NTRK3: variants seen among roughly 807,000 people sequenced by gnomAD.
NTRK3 encodes the protein neurotrophic receptor tyrosine kinase 3, also known as NT-3 growth factor receptor.
In NTRK3, 24 loss-of-function variants were observed where a neutral mutation model predicts 91.7. The ratio of observed to expected loss-of-function variants is 0.26; its 90% CI spans 0.19 to 0.37. The LOEUF is 0.37. NTRK3 is among the 10% of genes least tolerant of loss of function. The pLI is 1.00. For synonymous variants in NTRK3, 483 were observed against 404.0 expected (o/e 1.20, Z -2.34); for missense variants, 880 against 1,068.9 (o/e 0.82, Z 2.46).
chr15:88,100,991 G>C (rs149182609), intron 13 of NTRK3, among the ~76,000 whole-genome samples: 1 of 152,154 alleles, frequency 6.6e-6, no homozygotes, highest in Non-Finnish European at 1.5e-5. Context: ...AAAAGCAATT[G>C]CAACAAAAGC....
At chr15:87,964,179 T>A (rs2072573685) in intron 14 of NTRK3, among the ~76,000 whole-genome samples, 1 of 152,218 alleles carries the variant, frequency 6.6e-6, no homozygotes, top group South Asian at 2.1e-4. Flanking sequence ...GGCTTAGATA[T>A]AATTCATAAG....
At chr15:88,048,238 T>C (rs1249750307) in intron 13 of NTRK3, among the ~76,000 whole-genome samples, 1 of 152,184 alleles carries the variant, frequency 6.6e-6, no homozygotes, top group African/African-American at 2.4e-5. Flanking sequence ...GCTAAACCAC[T>C]TGTCCTCTGG....
At chr15:88,025,257 G>A (rs1173312982) in intron 14 of NTRK3, among the ~76,000 whole-genome samples, 3 of 152,230 alleles carry the variant, frequency 2.0e-5, no homozygotes, top group Non-Finnish European at 4.4e-5. Context: ...AGGCAATCAC[G>A]TGTCTAGATA....
intron 13 of NTRK3, among the ~76,000 whole-genome samples, 172 bp from the exon 14 acceptor site, chr15:88,033,217 A>ATATATATATATATATATATATAT (rs2078753442): frequency 4.0e-5 from 2 of 49,698 alleles, no homozygotes; most frequent in South Asian, 6.0e-4. Flanking sequence ...TATATATATA[A>ATATATATATATATATATATATAT]ATTCAGTTGT....
intron 5 of NTRK3, among the ~76,000 whole-genome samples, chr15:88,164,620 T>C (rs887086013): frequency 1.3e-5 from 2 of 152,134 alleles, no homozygotes; most frequent in Non-Finnish European, 2.9e-5. Flanking sequence ...GCCTCATTTC[T>C]TACCTTCCTT....
chr15:88,252,988 G>C (rs917713770), intron 3 of NTRK3: 1 of 152,244 alleles, frequency 6.6e-6, no homozygotes, highest in African/African-American at 2.4e-5. Context: ...CTGAGAAGCA[G>C]AACCACAGGG....
intron 13 of NTRK3, among the ~76,000 whole-genome samples, chr15:88,055,297 G>T (rs943612070): frequency 4.6e-5 from 7 of 152,194 alleles, no homozygotes; most frequent in Non-Finnish European, 7.3e-5. Flanking sequence ...GACAGATGGG[G>T]ACATGTGGCA....
At chr15:88,116,072 C>G (rs1001066327) in intron 13 of NTRK3, among the ~76,000 whole-genome samples, 1 of 152,162 alleles carries the variant, frequency 6.6e-6, no homozygotes, top group Non-Finnish European at 1.5e-5. Context: ...GCCTGCTAGC[C>G]TCTCTGAGCT....
chr15:88,079,779 G>A (rs976646026), intron 13 of NTRK3, among the ~76,000 whole-genome samples: 13 of 152,256 alleles, frequency 8.5e-5, no homozygotes, highest in Middle Eastern at 6.8e-3. Flanking sequence ...ATTCAAAGAA[G>A]TTTGCATTAA....
At chr15:87,979,426 G>A (rs759403707) in intron 14 of NTRK3, 22 of 1,613,380 alleles carry the variant, frequency 1.4e-5, no homozygotes, top group East Asian at 4.5e-5. Context: ...TGGAATGTCC[G>A]GGAAGGCTTA....
chr15:88,186,307 T>C (rs1020211170), intron 3 of NTRK3, among the ~76,000 whole-genome samples: 7 of 152,206 alleles, frequency 4.6e-5, no homozygotes, highest in African/African-American at 1.7e-4. Context: ...ACGGTTGAGT[T>C]GTCAATCATT....
intron 5 of NTRK3, among the ~76,000 whole-genome samples, chr15:88,156,323 T>C (rs540515786): frequency 2.0e-5 from 3 of 152,274 alleles, no homozygotes; most frequent in South Asian, 2.1e-4. Flanking sequence ...AGACCAGATA[T>C]GGACACAGAG....
chr15:88,102,009 G>GTAT (rs57001153), intron 13 of NTRK3, among the ~76,000 whole-genome samples: 4,398 of 151,944 alleles, frequency 0.029, 176 homozygotes, highest in East Asian at 0.12. Flanking sequence ...AAAACTTAAA[G>GTAT]TATAATAATA....
intron 13 of NTRK3, among the ~76,000 whole-genome samples, chr15:88,046,375 A>G (rs2080198050): frequency 6.6e-6 from 1 of 152,096 alleles, no homozygotes; most frequent in Admixed American, 6.5e-5. Context: ...GGGGAGAAAA[A>G]AGACACAACC....
At chr15:87,989,947 A>G (rs1045732463) in intron 14 of NTRK3, among the ~76,000 whole-genome samples, 1 of 152,194 alleles carries the variant, frequency 6.6e-6, no homozygotes, top group African/African-American at 2.4e-5. Flanking sequence ...TTGAGTGAAA[A>G]TAATTTTTTC....
At chr15:88,019,709 A>G (rs544684434) in intron 14 of NTRK3, among the ~76,000 whole-genome samples, 2 of 152,302 alleles carry the variant, frequency 1.3e-5, no homozygotes, top group East Asian at 3.9e-4. Flanking sequence ...TAGCCATGAG[A>G]GAAGTTAACC....
chr15:88,200,842 G>T (rs2048240549), intron 3 of NTRK3, among the ~76,000 whole-genome samples: 1 of 152,180 alleles, frequency 6.6e-6, no homozygotes. Flanking sequence ...CAATATGACA[G>T]GGTCTCTATC....
At chr15:88,046,273 A>G (rs1236129156) in intron 13 of NTRK3, among the ~76,000 whole-genome samples, 4 of 152,162 alleles carry the variant, frequency 2.6e-5, no homozygotes, top group African/African-American at 7.2e-5. Flanking sequence ...ATAGTTCATG[A>G]TTCATGCCAC....
chr15:88,213,711 A>T (rs2141459996), intron 3 of NTRK3, among the ~76,000 whole-genome samples: 1 of 152,288 alleles, frequency 6.6e-6, no homozygotes, highest in South Asian at 2.1e-4. Flanking sequence ...TAATACTATC[A>T]CCATTTTACA....
Sources: gnomAD v4.1 joint callset for allele counts (sites outside exome capture counted in the v4.1 genomes callset) on GRCh38, gnomAD v4.1.1 for gene constraint, MANE v1.5 for transcripts, NCBI Gene and HGNC (gene_info 2026-07-23, HGNC 2026-07-21) for gene names.